Variants in BAZ1B observed in about 807,000 individuals in gnomAD.
The protein encoded by BAZ1B is bromodomain adjacent to zinc finger domain 1B, also known as tyrosine-protein kinase BAZ1B.
In BAZ1B, 22 loss-of-function variants were observed where a neutral mutation model predicts 153.8. The ratio of observed to expected loss-of-function variants is 0.14; its 90% CI spans 0.10 to 0.20. The LOEUF (loss-of-function observed/expected upper bound fraction) is 0.20, where lower values mean the gene tolerates loss of function less well. Among genes scored for constraint, BAZ1B ranks in the 10% least tolerant of loss-of-function variants. The pLI is 1.00. For synonymous variants in BAZ1B, 676 were observed against 633.4 expected, an observed-to-expected ratio of 1.07 and a Z score of -1.01; for missense variants, 1,325 against 1,799.3, an observed-to-expected ratio of 0.74 and a Z score of 4.77.
chr7:73,496,262 G>A (rs1187021883), intron 4 of BAZ1B, among the ~76,000 whole-genome samples: 6 of 152,160 alleles, frequency 3.9e-5, no homozygotes, highest in African/African-American at 1.2e-4. Flanking sequence ...AAAGAAGAGG[G>A]AAACTGGAAA....
intron 1 of BAZ1B, among the ~76,000 whole-genome samples, chr7:73,517,001 G>A (rs1390032710): frequency 2.7e-5 from 4 of 150,930 alleles, no homozygotes; most frequent in African/African-American, 9.7e-5. Flanking sequence ...GGCCAACGTG[G>A]TAAAACCCCA....
rs1787876544 is a variant in BAZ1B, at chr7:73,447,338, T to C, written c.3770A>G (p.Asp1257Gly). 1.2e-6 allele frequency: 2 copies of C among 1,613,360 alleles called. No homozygotes were observed. The highest frequency in any genetic ancestry group is 1.1e-5 in the South Asian group (1 of 91,050). ...CTCCTCCTCCTCTTCATCACTCTCA[T>C]CATCTTCACTGTCCTCAGAAGCAGA... ...EESASEDSED[D>G]ESDEEEEEEE... The change falls in exon 16 of 20, where the codon GAT becomes GGT. Residue 1257 changes from aspartate (D) to glycine (G), a missense_variant. Asp to Gly is a moderately conservative substitution (Grantham distance 94). Coordinates refer to ENST00000339594, the MANE Select transcript of BAZ1B (RefSeq NM_032408.4).
intron 11 of BAZ1B, among the ~76,000 whole-genome samples, chr7:73,465,174 A>C (rs1241825050): frequency 2.0e-5 from 3 of 152,170 alleles, no homozygotes; most frequent in Non-Finnish European, 2.9e-5. Flanking sequence ...AAGCTGTCTG[A>C]CAACCATGAG....
rs1789066492 is a variant in BAZ1B at position 73,478,229 on chromosome 7, A to G, written c.1232T>C (p.Ile411Thr). The part of the protein sequence containing the change: ...PLKAKGRSKG[I>T]LNGQKSTGNS... Reference sequence around the variant, plus strand: ...CCCTGTGGATTTCTGTCCATTCAGGATGCCTTTGCTTCTGCCCTTTGCCTT... The same window carrying G: ...CCCTGTGGATTTCTGTCCATTCAGGGTGCCTTTGCTTCTGCCCTTTGCCTT... The change falls in exon 7 of 20, where the codon ATC becomes ACC. Residue 411 changes from isoleucine (I) to threonine (T), a missense_variant. Around this residue, in one of 9 missense-constraint regions of BAZ1B, gnomAD observed 219 missense variants for 248.2 expected, o/e 0.88. Transcript: ENST00000339594. The G allele has an allele frequency of 1.2e-6, 2 of 1,614,156 alleles. No homozygotes were observed. The highest frequency in any genetic ancestry group is 1.7e-6 in the Non-Finnish European group (2 of 1,180,038).
intron 6 of BAZ1B, among the ~76,000 whole-genome samples, chr7:73,485,255 C>T (rs1311833817): frequency 6.6e-6 from 1 of 151,890 alleles, no homozygotes; most frequent in Non-Finnish European, 1.5e-5. Flanking sequence ...AATTCATATT[C>T]CAGTATTCTG....
In BAZ1B at chr7:73,477,287, T is replaced by C. The variant is rs782018550; in HGVS notation, c.2174A>G (p.Gln725Arg). 1.2e-6 allele frequency: 2 copies of C among 1,614,246 alleles called. No homozygotes were observed. The highest frequency in any genetic ancestry group is 1.7e-5 in the Admixed American group (1 of 60,030). Reference protein sequence around the residue: ...DSAAFEDNEVQDEFLEKLETS... With the variant: ...DSAAFEDNEVRDEFLEKLETS... ...CTCCAGCTTTTCTAGGAACTCATCTTGTACCTCATTATCCTCAAATGCAGC... is the reference window on the plus strand; with the variant it reads ...CTCCAGCTTTTCTAGGAACTCATCTCGTACCTCATTATCCTCAAATGCAGC... Residue 725 changes from glutamine to arginine, a missense_variant, in exon 7 of 20, where the codon CAA becomes CGA. Coordinates refer to ENST00000339594, the MANE Select transcript of BAZ1B (RefSeq NM_032408.4). This position sits in a 1 kb window ranked among gnomAD's most constrained non-coding sequence, Gnocchi z 5.6.
At chr7:73,484,169 G>A (rs1789306549) in intron 6 of BAZ1B, among the ~76,000 whole-genome samples, 2 of 152,154 alleles carry the variant, frequency 1.3e-5, no homozygotes, top group Admixed American at 6.5e-5. Context: ...GGGAGGCTGA[G>A]GCAGGAGAAT....
intron 3 of BAZ1B, among the ~76,000 whole-genome samples, chr7:73,505,857 G>C (rs564455026): frequency 1.3e-5 from 2 of 152,228 alleles, no homozygotes; most frequent in African/African-American, 2.4e-5. Flanking sequence ...AGCCAAGAAC[G>C]CATTTTCAGT....
chr7:73,472,145 A>G (rs1554572080), intron 7 of BAZ1B, among the ~76,000 whole-genome samples: 1 of 152,264 alleles, frequency 6.6e-6, no homozygotes, highest in African/African-American at 2.4e-5. Flanking sequence ...AGATAAATAT[A>G]AAACACAGTG....
chr7:73,504,765 C>T (rs1265209186), intron 3 of BAZ1B, among the ~76,000 whole-genome samples: 2 of 152,080 alleles, frequency 1.3e-5, no homozygotes, highest in African/African-American at 2.4e-5. Flanking sequence ...GAGGCTGAGG[C>T]TGCAGTGAGC....
chr7:73,465,346 G>T, intron 11 of BAZ1B, 93 bp downstream of exon 11: 3 of 795,574 alleles, frequency 3.8e-6, no homozygotes, highest in South Asian at 2.4e-5. Context: ...TTTTACTTTA[G>T]TAACTTAAAT....
rs1164055142 is a variant in BAZ1B, at chr7:73,440,441, T to C, written c.*1268A>G. 1 of 151,854 alleles carries C rather than the reference T, an allele frequency of 6.6e-6. No homozygotes were observed. The highest frequency in any genetic ancestry group is 1.5e-5 in the Non-Finnish European group (1 of 67,978). The allele number at this position is 151,854 out of a possible 1,614,324, so 9.4% of individuals were successfully genotyped here. On this transcript the variant is annotated 3_prime_UTR_variant, in exon 20 of 20. Transcript: ENST00000339594. ...ATAAACACAAGTACATGAGGTTTAT[T>C]TGAAATTCCAATTTATTACAAGTTC...
chr7:73,480,286 C>G (rs1316922557), intron 6 of BAZ1B, among the ~76,000 whole-genome samples: 1 of 151,984 alleles, frequency 6.6e-6, no homozygotes, highest in African/African-American at 2.4e-5. Flanking sequence ...TCTCCTGATA[C>G]ACATCTCATC....
chr7:73,518,854 T>G (rs1486438654), intron 1 of BAZ1B, among the ~76,000 whole-genome samples: 1 of 152,226 alleles, frequency 6.6e-6, no homozygotes, highest in East Asian at 1.9e-4. Flanking sequence ...TTTCTAAGCT[T>G]TAGAAACTAT....
rs2116199712 is a variant in BAZ1B, at chr7:73,440,848, CA to C, written c.*860del. ...CTTGGGTGCTCAAAATTTCCAAATT[CA>C]AAGGTGATAAAAAAGAAAAACCCTG... On this transcript the variant is annotated 3_prime_UTR_variant, in exon 20 of 20. Transcript: ENST00000339594. 1.3e-5 allele frequency: 2 copies of C among 152,678 alleles called. No homozygotes were observed. The highest frequency in any genetic ancestry group is 4.1e-4 in the South Asian group (2 of 4,824). 9.5% of individuals were successfully genotyped at this position (152,678 alleles called of 1,614,324 possible). A position where few individuals can be genotyped will look rare whatever the true frequency, so the allele number is the denominator to read the frequency against.
At chr7:73,488,208 G>A (rs782282530) in intron 6 of BAZ1B, among the ~76,000 whole-genome samples, 2 of 152,120 alleles carry the variant, frequency 1.3e-5, no homozygotes, top group Non-Finnish European at 2.9e-5. Flanking sequence ...ACCAATGAAA[G>A]AAGCATTAAG....
intron 7 of BAZ1B, among the ~76,000 whole-genome samples, chr7:73,470,758 C>T (rs946076564): frequency 6.6e-6 from 1 of 152,152 alleles, no homozygotes; most frequent in African/African-American, 2.4e-5. Context: ...TGTTTTGAGG[C>T]AGAGTCTTGC....
In BAZ1B at chr7:73,518,561, G is replaced by A. The variant is rs192332985; in HGVS notation, c.107+3266C>T. On this transcript the variant is annotated intron_variant, in intron 1 of 19. Coordinates refer to ENST00000339594, the MANE Select transcript of BAZ1B (RefSeq NM_032408.4). ...CTCAACTCTTAACACATGCTCTAAGGCAGACGCAGTAGTGCGTGCCTGTAG... is the reference window on the plus strand; with the variant it reads ...CTCAACTCTTAACACATGCTCTAAGACAGACGCAGTAGTGCGTGCCTGTAG... 2.0e-3 allele frequency among the ~76,000 whole-genome samples: 302 copies of A among 151,790 alleles called. 5 individuals are homozygous for A. The highest frequency in any genetic ancestry group is 0.01 in the Middle Eastern group (3 of 290).
chr7:73,509,838 C>T (rs1790503952), intron 2 of BAZ1B, among the ~76,000 whole-genome samples: 1 of 151,808 alleles, frequency 6.6e-6, no homozygotes, highest in Admixed American at 6.6e-5. Flanking sequence ...ATTTAATTAT[C>T]ATACCCGGTT....
Sources: allele counts gnomAD v4.1 joint callset (sites outside exome capture counted in the v4.1 genomes callset), GRCh38; gene constraint gnomAD v4.1.1; regional missense constraint gnomAD v4.1.1; non-coding constraint Gnocchi (gnomAD v3.1); transcripts MANE v1.5; gene names NCBI Gene and HGNC (gene_info 2026-07-23, HGNC 2026-07-21).